Variants in MGAT4C observed in about 807,000 individuals in gnomAD.
MGAT4C encodes alpha-1,3-mannosyl-glycoprotein 4-beta-N-acetylglucosaminyltransferase C.
MGAT4C carries 19 observed loss-of-function variants against 40.1 expected under a neutral mutation model. The observed-to-expected ratio is 0.47, with a 90% CI of 0.33 to 0.70. The LOEUF (loss-of-function observed/expected upper bound fraction) is 0.70, where lower values mean the gene tolerates loss of function less well. Among genes scored for constraint, MGAT4C ranks in the 30% least tolerant of loss-of-function variants. The probability of loss-of-function intolerance (pLI) is 0.02; values close to 1 mark genes in which losing one functional copy is unlikely to be tolerated. For missense variants in MGAT4C, 491 were observed against 563.2 expected, an observed-to-expected ratio of 0.87 and a Z score of 1.30; for synonymous variants, 181 against 187.1, an observed-to-expected ratio of 0.97 and a Z score of 0.27.
chr12:86,414,572 G>C (rs994056836), intron 3 of MGAT4C, among the ~76,000 whole-genome samples: 1 of 135,654 alleles, frequency 7.4e-6, no homozygotes, highest in African/African-American at 2.8e-5. Context: ...CCTACCTGTA[G>C]GTGTTTTAAA....
intron 4 of MGAT4C, among the ~76,000 whole-genome samples, chr12:86,328,153 A>G (rs1269018193): frequency 6.6e-6 from 1 of 152,210 alleles, no homozygotes; most frequent in Non-Finnish European, 1.5e-5. Context: ...ATATGTACCA[A>G]TACCAATAAT....
chr12:86,835,501 C>A (rs558097746), intron 1 of MGAT4C, among the ~76,000 whole-genome samples: 3 of 151,426 alleles, frequency 2.0e-5, no homozygotes, highest in Non-Finnish European at 4.4e-5. Flanking sequence ...AGATAATCCA[C>A]GTAGCAAAAT....
rs1555227765 is a variant in MGAT4C, at chr12:86,774,315, C to CTTTCTTTCTTTCTTTCTTTATTTCT, written c.-261-47075_-261-47074insAGAAATAAAGAAAGAAAGAAAGAAA. Among the ~76,000 whole-genome samples, 69 of 59,392 alleles carry CTTTCTTTCTTTCTTTCTTTATTTCT rather than the reference C, an allele frequency of 1.2e-3. 5 individuals carry two copies. The highest frequency in any genetic ancestry group is 3.6e-3 in the African/African-American group (67 of 18,666). 39.0% of individuals were successfully genotyped at this position (59,392 alleles called of 152,430 possible). A position where few individuals can be genotyped will look rare whatever the true frequency, so the allele number is the denominator to read the frequency against. On this transcript the variant is annotated intron_variant, in intron 1 of 7. Transcript: ENST00000548651. The stretch of plus-strand genomic sequence containing the variant: ...TCTTTCTTTCTTTCTTTCTTTCTTT[C>CTTTCTTTCTTTCTTTCTTTATTTCT]TTTCTTTCTTTCTTTCTTTCTTTCT...
chr12:86,247,489 T>G (rs1006420197), intron 1 of MGAT4C, among the ~76,000 whole-genome samples: 6 of 152,200 alleles, frequency 3.9e-5, no homozygotes, highest in Non-Finnish European at 7.3e-5. Context: ...GCATTAACAA[T>G]TTAATCAACC....
intron 1 of MGAT4C, among the ~76,000 whole-genome samples, chr12:86,792,997 T>C (rs1404507986): frequency 6.6e-6 from 1 of 152,130 alleles, no homozygotes; most frequent in East Asian, 1.9e-4. Context: ...AGAAATCTAA[T>C]TAATAGGTAC....
intron 2 of MGAT4C, among the ~76,000 whole-genome samples, chr12:86,607,611 G>T (rs1962087833): frequency 6.6e-6 from 1 of 151,988 alleles, no homozygotes; most frequent in African/African-American, 2.4e-5. Flanking sequence ...GTGTTATGCT[G>T]CATATCATCT....
chr12:86,677,947 G>C (rs1311716259), intron 2 of MGAT4C, among the ~76,000 whole-genome samples: 3 of 152,012 alleles, frequency 2.0e-5, no homozygotes, highest in South Asian at 4.1e-4. Context: ...TCAGCTCTTG[G>C]ATCTTTTTCT....
intron 1 of MGAT4C, among the ~76,000 whole-genome samples, chr12:86,053,416 C>G (rs1471173713): frequency 2.6e-5 from 4 of 151,800 alleles, no homozygotes; most frequent in African/African-American, 9.7e-5. Context: ...TGAGTATCCC[C>G]TGGGCAGTAT....
At chr12:86,193,775 C>G (rs938862962) in intron 1 of MGAT4C, among the ~76,000 whole-genome samples, 1 of 152,066 alleles carries the variant, frequency 6.6e-6, no homozygotes. Context: ...TTGTTTAAAT[C>G]AAAATATTCC....
intron 1 of MGAT4C, among the ~76,000 whole-genome samples, chr12:86,815,443 C>T (rs1183489514): frequency 6.6e-6 from 1 of 151,660 alleles, no homozygotes; most frequent in Non-Finnish European, 1.5e-5. Context: ...GTGGCGATTC[C>T]TTAAAGAACT....
intron 2 of MGAT4C, among the ~76,000 whole-genome samples, chr12:86,673,589 G>A (rs1025105358): frequency 3.3e-5 from 5 of 151,978 alleles, no homozygotes; most frequent in African/African-American, 4.8e-5. Flanking sequence ...AACTAATCGC[G>A]TAATTTTGCT....
chr12:86,372,507 G>A (rs1050413445), intron 3 of MGAT4C, among the ~76,000 whole-genome samples: 8 of 151,778 alleles, frequency 5.3e-5, no homozygotes, highest in African/African-American at 1.9e-4. Flanking sequence ...GATATTACTA[G>A]GGAAATGATG....
chr12:86,812,588 T>G (rs933204541), intron 1 of MGAT4C, among the ~76,000 whole-genome samples: 3 of 152,144 alleles, frequency 2.0e-5, no homozygotes, highest in Non-Finnish European at 2.9e-5. Context: ...TTATGTCTAC[T>G]TTATTAGGCC....
intron 1 of MGAT4C, among the ~76,000 whole-genome samples, chr12:86,139,023 T>C (rs1882446678): frequency 6.6e-6 from 1 of 152,140 alleles, no homozygotes; most frequent in African/African-American, 2.4e-5. Flanking sequence ...CCCAACATCA[T>C]CTTCCTGGGT....
intron 1 of MGAT4C, among the ~76,000 whole-genome samples, chr12:86,078,593 A>G (rs925620225): frequency 6.6e-6 from 1 of 152,292 alleles, no homozygotes; most frequent in African/African-American, 2.4e-5. Context: ...ACTCCAAGGA[A>G]TGGTGCTATA....
chr12:86,298,751 T>G (rs557485754), intron 4 of MGAT4C, among the ~76,000 whole-genome samples: 1 of 152,306 alleles, frequency 6.6e-6, no homozygotes, highest in East Asian at 1.9e-4. Context: ...CATGGTAATC[T>G]ATTTATTCTG....
intron 4 of MGAT4C, among the ~76,000 whole-genome samples, chr12:86,312,207 C>T (rs78517008): frequency 0.022 from 3,421 of 152,284 alleles, 128 homozygotes; most frequent in African/African-American, 0.079. Context: ...ACTTCACAAA[C>T]CTCTTCTTTG....
intron 3 of MGAT4C, among the ~76,000 whole-genome samples, chr12:86,386,076 G>A (rs1173804058): frequency 1.3e-5 from 2 of 152,066 alleles, no homozygotes; most frequent in Non-Finnish European, 2.9e-5. Flanking sequence ...GACTACAGGT[G>A]CCCACCACCA....
chr12:86,519,784 T>C (rs914889412), intron 2 of MGAT4C, among the ~76,000 whole-genome samples: 1 of 152,174 alleles, frequency 6.6e-6, no homozygotes, highest in Non-Finnish European at 1.5e-5. Context: ...ATTTGAGCCC[T>C]TTATATATTC....
Sources: allele counts gnomAD v4.1 joint callset (sites outside exome capture counted in the v4.1 genomes callset), GRCh38; gene constraint gnomAD v4.1.1; transcripts MANE v1.5; gene names NCBI Gene and HGNC (gene_info 2026-07-23, HGNC 2026-07-21).